F13B: variants seen among roughly 807,000 people sequenced by gnomAD.
F13B encodes the protein coagulation factor XIII B chain.
F13B carries 58 observed loss-of-function variants against 79.8 expected under a neutral mutation model. The ratio of observed to expected loss-of-function variants is 0.73; its 90% CI spans 0.59 to 0.90. The LOEUF (loss-of-function observed/expected upper bound fraction) is 0.90, where lower values mean the gene tolerates loss of function less well. F13B is among the 40% of genes least tolerant of loss of function. F13B has a pLI of 0.00. For synonymous variants in F13B, 283 were observed against 260.3 expected (o/e 1.09, Z -0.84); for missense variants, 773 against 777.0 (o/e 0.99, Z 0.06).
At chr1:197,039,799 A>G (rs1654970304) in intron 11 of F13B, among the ~76,000 whole-genome samples, 1 of 152,094 alleles carries the variant, frequency 6.6e-6, no homozygotes, top group Non-Finnish European at 1.5e-5. Flanking sequence ...CAAAGCATCT[A>G]AAAAACTGAC....
chr1:197,054,567 C>T (rs1008564948), intron 8 of F13B, among the ~76,000 whole-genome samples: 4 of 151,118 alleles, frequency 2.6e-5, no homozygotes, highest in Non-Finnish European at 4.4e-5. Flanking sequence ...AAACATGATT[C>T]TCAATTGGAT....
chr1:197,041,900 C>A (rs1571548466), intron 10 of F13B, among the ~76,000 whole-genome samples: 2 of 152,120 alleles, frequency 1.3e-5, no homozygotes, highest in Non-Finnish European at 1.5e-5. Flanking sequence ...CCTCAGCATA[C>A]ATTTATTTTT....
rs767085182 is a variant in F13B, at chr1:197,067,148, A to C, written c.64+12T>G. ...GTTTTAGAGAATAAAGAATATTAAG[A>C]ATTAATTTTACCTTCTGCATAGAGT... On this transcript the variant is annotated intron_variant, in intron 1 of 11. Coordinates refer to ENST00000367412, the MANE Select transcript of F13B (RefSeq NM_001994.3). The C allele has an allele frequency of 6.6e-7, 1 of 1,506,986 alleles. No individual in the cohort carries two copies. The highest frequency in any genetic ancestry group is 1.4e-5 in the African/African-American group (1 of 72,750). The allele number at this position is 1,506,986 out of a possible 1,614,324, so 93.4% of individuals were successfully genotyped here.
chr1:197,044,382 A>C (rs1009128894), intron 10 of F13B, among the ~76,000 whole-genome samples: 1 of 152,148 alleles, frequency 6.6e-6, no homozygotes, highest in Non-Finnish European at 1.5e-5. Flanking sequence ...AACAGACTTT[A>C]AACCAACAAA....
At chr1:197,045,570 C>A (rs1655198787) in intron 10 of F13B, among the ~76,000 whole-genome samples, 1 of 151,800 alleles carries the variant, frequency 6.6e-6, no homozygotes, top group Non-Finnish European at 1.5e-5. Context: ...CAGCCGAATT[C>A]TACCAAAGGT....
intron 5 of F13B, among the ~76,000 whole-genome samples, chr1:197,059,226 AAAAT>A (rs1029028991): frequency 5.9e-5 from 9 of 152,190 alleles, no homozygotes; most frequent in African/African-American, 1.9e-4. Context: ...AAAAAAATAA[AAAAT>A]AAATAAGGAA....
At chr1:197,067,125 T>G in intron 1 of F13B, 35 bp downstream of exon 1, 2 of 1,283,264 alleles carry the variant, frequency 1.6e-6, no homozygotes. Context: ...ATTTGTATGT[T>G]TTAGAGAATA....
chr1:197,060,848 GAGA>G, intron 4 of F13B, 48 bp downstream of exon 4: 2 of 1,529,274 alleles, frequency 1.3e-6, no homozygotes, highest in Non-Finnish European at 1.8e-6. Flanking sequence ...ACTTCTCTAT[GAGA>G]AAAAGCTTTC....
intron 8 of F13B, among the ~76,000 whole-genome samples, chr1:197,053,896 C>A: frequency 6.6e-6 from 1 of 151,982 alleles, no homozygotes; most frequent in Admixed American, 6.6e-5. Flanking sequence ...GAAGTGAGAG[C>A]ATTCTTGGCT....
chr1:197,064,759 T>C (rs1292259825), intron 1 of F13B, among the ~76,000 whole-genome samples: 1 of 152,094 alleles, frequency 6.6e-6, no homozygotes, highest in African/African-American at 2.4e-5. Context: ...TTTAAAAATA[T>C]ATCTTTATGT....
chr1:197,041,343 T>C (rs1655029812), intron 10 of F13B, among the ~76,000 whole-genome samples: 1 of 152,106 alleles, frequency 6.6e-6, no homozygotes, highest in South Asian at 2.1e-4. Context: ...TTCCCATGTA[T>C]CGTAAACCAA....
intron 4 of F13B, among the ~76,000 whole-genome samples, 156 bp downstream of exon 4, chr1:197,060,743 A>G (rs1465264312): frequency 4.6e-5 from 7 of 152,134 alleles, no homozygotes; most frequent in Admixed American, 4.6e-4. Flanking sequence ...TCTACTTGAG[A>G]GCTTTAATTA....
rs949564882 is a variant in F13B at position 197,054,044 on chromosome 1, T to C, written c.1355-1210A>G. Among the ~76,000 whole-genome samples the C allele has an allele frequency of 3.3e-5, 5 of 152,084 alleles. No individual in the cohort carries two copies. The East Asian group carries it at 9.6e-4, about 29-fold the overall frequency. On this transcript the variant is annotated intron_variant, in intron 8 of 11. Coordinates refer to ENST00000367412, the MANE Select transcript of F13B (RefSeq NM_001994.3). ...AATTCTATGCTTTATCATACTGTTG[T>C]GAATTTGTACTGATAGCCTTTCCAG...
intron 2 of F13B, among the ~76,000 whole-genome samples, chr1:197,062,409 A>G (rs566660811): frequency 6.6e-6 from 1 of 152,240 alleles, no homozygotes; most frequent in East Asian, 1.9e-4. Flanking sequence ...TGAAAAACAC[A>G]TTTTTCAATG....
rs1655610868 is a variant in F13B, at chr1:197,055,585, T to C, written c.1354+130A>G. On this transcript the variant is annotated intron_variant, in intron 8 of 11. Transcript: ENST00000367412. ...CACTAATATTTTAGGGACTTTCTACTTAAAGAAATGAGAGAGAAAACACTT... is the reference window on the plus strand; with the variant it reads ...CACTAATATTTTAGGGACTTTCTACCTAAAGAAATGAGAGAGAAAACACTT... The C allele has an allele frequency of 6.1e-6, 6 of 976,752 alleles. No individual in the cohort carries two copies. In the South Asian group the frequency reaches 8.9e-5, roughly 14 times the overall value. 60.5% of individuals were successfully genotyped at this position (976,752 alleles called of 1,614,324 possible).
chr1:197,055,289 A>G (rs150037274), intron 8 of F13B, among the ~76,000 whole-genome samples: 1 of 152,038 alleles, frequency 6.6e-6, no homozygotes, highest in Non-Finnish European at 1.5e-5. Flanking sequence ...AATATACTCT[A>G]TATAATATAC....
At chr1:197,040,792 T>G in intron 10 of F13B, 57 bp from the exon 11 acceptor site, 3 of 1,417,052 alleles carry the variant, frequency 2.1e-6, no homozygotes, top group Non-Finnish European at 2.9e-6. Flanking sequence ...TCTTGTTACA[T>G]CTTGGTAAGA....
intron 11 of F13B, among the ~76,000 whole-genome samples, chr1:197,039,701 TC>T (rs1654967651): frequency 1.3e-5 from 2 of 152,076 alleles, no homozygotes. Flanking sequence ...TAAAATTTTT[TC>T]CACCCTGATG....
chr1:197,039,345 T>C lies in F13B; in HGVS notation c.*33A>G, dbSNP rs1370346089. 9 of 1,562,842 alleles carry C rather than the reference T, an allele frequency of 5.8e-6. No individual in the cohort carries two copies. The highest frequency in any genetic ancestry group is 1.1e-5 in the South Asian group (1 of 89,072). On this transcript the variant is annotated 3_prime_UTR_variant, in exon 12 of 12. Transcript: ENST00000367412. ...ATTTTATAAGGAATTTCATGATGTA[T>C]TGAAATATGACTCCTCTTTCTGCCA...
Sources: allele counts gnomAD v4.1 joint callset (sites outside exome capture counted in the v4.1 genomes callset), GRCh38; gene constraint gnomAD v4.1.1; transcripts MANE v1.5; gene names NCBI Gene and HGNC (gene_info 2026-07-23, HGNC 2026-07-21).